Variants in RTL4 observed in about 807,000 individuals in gnomAD.
RTL4 encodes the protein retrotransposon Gag-like protein 4.
Under a neutral mutation model 5.3 loss-of-function variants are expected in RTL4, and 4 were observed. That is an observed-to-expected ratio of 0.75 (90% CI 0.37 to 1.72). The LOEUF (loss-of-function observed/expected upper bound fraction) is 1.72. RTL4 is among the 40% of genes most tolerant of loss of function. The probability of loss-of-function intolerance (pLI) is 0.04; values close to 1 mark genes in which losing one functional copy is unlikely to be tolerated. For missense variants in RTL4, 260 were observed against 227.1 expected, an observed-to-expected ratio of 1.14 and a Z score of -0.93; for synonymous variants, 98 against 87.3, an observed-to-expected ratio of 1.12 and a Z score of -0.68.
the RTL4 span, among the ~76,000 whole-genome samples, chrX:112,264,198 A>G: frequency 8.9e-6 from 1 of 112,200 alleles, no homozygotes; most frequent in Admixed American, 9.5e-5. Context: ...AAATATTTGC[A>G]AAGTTCTATT....
At chrX:112,111,180 CCTCT>C in the RTL4 span, among the ~76,000 whole-genome samples, 1 of 110,725 alleles carries the variant, frequency 9.0e-6, no homozygotes, top group Non-Finnish European at 1.9e-5. Context: ...TCTGTCTCTT[CCTCT>C]CTCTGTCTCT....
the RTL4 span, among the ~76,000 whole-genome samples, chrX:112,439,536 T>C: frequency 1.8e-5 from 2 of 112,031 alleles, no homozygotes; most frequent in South Asian, 7.5e-4. Context: ...TGCTAGATAC[T>C]TCTCCCATGA....
At chrX:112,268,094 A>G in the RTL4 span, among the ~76,000 whole-genome samples, 1 of 111,756 alleles carries the variant, frequency 8.9e-6, no homozygotes, top group Non-Finnish European at 1.9e-5. Flanking sequence ...GAAAAGCCAA[A>G]GTCCTTATAA....
chrX:112,407,892 G>A, the RTL4 span, among the ~76,000 whole-genome samples: 5 of 112,451 alleles, frequency 4.4e-5, no homozygotes, highest in Admixed American at 3.7e-4. Context: ...AATTTTGTCC[G>A]AGCATGAAAG....
the RTL4 span, among the ~76,000 whole-genome samples, chrX:112,397,239 A>T: frequency 1.8e-5 from 2 of 112,068 alleles, no homozygotes; most frequent in Admixed American, 1.9e-4. Flanking sequence ...ATTTTCATAT[A>T]TCCTATATAC....
the RTL4 span, among the ~76,000 whole-genome samples, chrX:112,137,108 C>T: frequency 9.0e-6 from 1 of 110,904 alleles, no homozygotes; most frequent in South Asian, 3.8e-4. Flanking sequence ...TCAACCCATA[C>T]ATCTGATAAA....
chrX:112,214,225 A>G, the RTL4 span, among the ~76,000 whole-genome samples: 1 of 111,541 alleles, frequency 9.0e-6, no homozygotes, highest in Admixed American at 9.6e-5. Flanking sequence ...CTATGAATGT[A>G]ACTATTTTGG....
At chrX:112,245,315 A>T in the RTL4 span, among the ~76,000 whole-genome samples, 3 of 111,765 alleles carry the variant, frequency 2.7e-5, no homozygotes, top group African/African-American at 9.8e-5. Flanking sequence ...CATTCTCCCC[A>T]TCACTTTCAG....
the RTL4 span, among the ~76,000 whole-genome samples, chrX:112,148,327 CAAAAA>C: frequency 1.3e-4 from 8 of 62,256 alleles, no homozygotes; most frequent in African/African-American, 4.1e-4. Context: ...TGACTGAGTG[CAAAAA>C]AAAAAAAAAA....
chrX:112,237,640 T>A, the RTL4 span, among the ~76,000 whole-genome samples: 5 of 112,789 alleles, frequency 4.4e-5, no homozygotes, highest in South Asian at 1.8e-3. Context: ...AACATGCTAT[T>A]GAACTTTAAG....
upstream of RTL4, among the ~76,000 whole-genome samples, chrX:112,450,074 A>C (rs928357256): frequency 8.0e-5 from 9 of 112,260 alleles, no homozygotes; most frequent in African/African-American, 2.9e-4. Context: ...GGGTAGTTGC[A>C]TGACTTTAGG....
the RTL4 span, among the ~76,000 whole-genome samples, chrX:112,092,314 T>A: frequency 6.2e-5 from 7 of 112,005 alleles, no homozygotes; most frequent in African/African-American, 2.3e-4. Context: ...TGCTTTTGGG[T>A]TTGATTGATT....
At chrX:112,180,222 C>T in the RTL4 span, among the ~76,000 whole-genome samples, 1 of 110,851 alleles carries the variant, frequency 9.0e-6, no homozygotes, top group Non-Finnish European at 1.9e-5. Context: ...CCAAGCAAAG[C>T]AAAAAATCTT....
the RTL4 span, among the ~76,000 whole-genome samples, chrX:112,411,991 A>G: frequency 0.022 from 2,402 of 111,664 alleles, 36 homozygotes; most frequent in East Asian, 0.038. Context: ...GAATTTATCA[A>G]CAAATTCAGT....
chrX:112,338,055 A>G, the RTL4 span, among the ~76,000 whole-genome samples: 1 of 111,993 alleles, frequency 8.9e-6, no homozygotes, highest in African/African-American at 3.2e-5. Context: ...AACCTTCTCT[A>G]TGAGAATTCA....
chrX:112,244,138 A>T, the RTL4 span, among the ~76,000 whole-genome samples: 1 of 111,803 alleles, frequency 8.9e-6, no homozygotes, highest in African/African-American at 3.3e-5. Context: ...TTTTAGAATA[A>T]GTGTGATGTG....
the RTL4 span, chrX:112,319,856 A>C: frequency 8.9e-6 from 1 of 111,777 alleles, no homozygotes; most frequent in African/African-American, 3.3e-5. Context: ...CTTGTATAGG[A>C]GTCATTACAA....
At chrX:112,455,768 G>C (rs1926832460) in exon 1 of RTL4, 2 of 767,986 alleles carry the variant, frequency 2.6e-6, no homozygotes, top group Admixed American at 7.5e-5. Context: ...CCACTTTATA[G>C]GCAGTTATGA....
At chrX:112,105,237 C>A in the RTL4 span, among the ~76,000 whole-genome samples, 1 of 111,598 alleles carries the variant, frequency 9.0e-6, no homozygotes, top group African/African-American at 3.2e-5. Flanking sequence ...CTATTCTGTT[C>A]CATCGGTCTG....
Sources: gnomAD v4.1 joint callset for allele counts (sites outside exome capture counted in the v4.1 genomes callset) on GRCh38, gnomAD v4.1.1 for gene constraint, MANE v1.5 for transcripts, NCBI Gene and HGNC (gene_info 2026-07-23, HGNC 2026-07-21) for gene names.